NEBL: variants seen among roughly 807,000 people sequenced by gnomAD.
The protein encoded by NEBL is LIM and SH3 protein 2.
NEBL carries 122 observed loss-of-function variants against 140.2 expected under a neutral mutation model. The observed-to-expected ratio is 0.87, with a 90% confidence interval of 0.75 to 1.01. The LOEUF is 1.01. NEBL is among the 50% of genes least tolerant of loss of function. The pLI is 0.00. For missense variants in NEBL, 1,365 were observed against 1,231.3 expected (o/e 1.11, Z -1.62); for synonymous variants, 436 against 398.9 (o/e 1.09, Z -1.11).
chr10:21,229,017 C>A (rs1048097774), intron 3 of NEBL, among the ~76,000 whole-genome samples: 1 of 151,838 alleles, frequency 6.6e-6, no homozygotes, highest in African/African-American at 2.4e-5. Flanking sequence ...CCCACCAACC[C>A]ATAGTGGACA....
chr10:20,800,935 G>A (rs1230127480), intron 26 of NEBL, among the ~76,000 whole-genome samples: 2 of 151,880 alleles, frequency 1.3e-5, no homozygotes, highest in Non-Finnish European at 2.9e-5. Flanking sequence ...TAGCGTTTAA[G>A]TCTCCTACAG....
intron 2 of NEBL, among the ~76,000 whole-genome samples, chr10:21,035,098 A>T (rs998582785): frequency 3.9e-5 from 6 of 152,010 alleles, no homozygotes; most frequent in African/African-American, 1.5e-4. Flanking sequence ...TGCCAGGCCC[A>T]AGTGATTATC....
At chr10:21,115,889 G>A (rs1215775979) in intron 2 of NEBL, among the ~76,000 whole-genome samples, 1 of 151,820 alleles carries the variant, frequency 6.6e-6, no homozygotes, top group Non-Finnish European at 1.5e-5. Flanking sequence ...TTATAAACAT[G>A]ATGGGCTATT....
intron 2 of NEBL, among the ~76,000 whole-genome samples, chr10:21,150,782 C>G (rs1438558237): frequency 6.6e-6 from 1 of 152,110 alleles, no homozygotes; most frequent in African/African-American, 2.4e-5. Flanking sequence ...TATGAGCTCA[C>G]AAAATGAAAA....
intron 2 of NEBL, among the ~76,000 whole-genome samples, chr10:21,031,111 T>C (rs1833761675): frequency 6.6e-6 from 1 of 152,358 alleles, no homozygotes; most frequent in East Asian, 1.9e-4. Flanking sequence ...GTCTGTCCCA[T>C]CTGAGTTAGC....
intron 2 of NEBL, among the ~76,000 whole-genome samples, chr10:21,104,842 A>G (rs1018641715): frequency 1.3e-5 from 2 of 152,212 alleles, no homozygotes; most frequent in South Asian, 4.1e-4. Flanking sequence ...ACCATCAAGT[A>G]AGACGTTAGC....
chr10:21,276,739 C>T (rs1400625121), intron 1 of NEBL, among the ~76,000 whole-genome samples: 1 of 152,146 alleles, frequency 6.6e-6, no homozygotes, highest in Non-Finnish European at 1.5e-5. Flanking sequence ...GAGGCCAAAG[C>T]AGGCAGATCA....
chr10:21,002,681 G>T (rs1460953301), intron 3 of NEBL, among the ~76,000 whole-genome samples: 1 of 152,080 alleles, frequency 6.6e-6, no homozygotes. Context: ...TCACACAATG[G>T]AGTACGAAAG....
intron 2 of NEBL, among the ~76,000 whole-genome samples, chr10:21,054,843 A>T (rs556155953): frequency 3.3e-5 from 5 of 152,206 alleles, no homozygotes; most frequent in African/African-American, 1.2e-4. Flanking sequence ...AAAATGCCCA[A>T]ATTTTTCAAT....
chr10:20,813,919 A>G lies in NEBL; in HGVS notation c.2346+20T>C. ...GCCCATTCCTTAGCATGTTTTAAGA[A>G]TGATCTGGTTGGACCCTACCATTGA... On this transcript the variant is annotated intron_variant, in intron 23 of 27. Coordinates refer to ENST00000377122, the MANE Select transcript of NEBL (RefSeq NM_006393.3). The G allele has an allele frequency of 6.8e-7, 1 of 1,460,154 alleles. No homozygotes were observed. The highest frequency in any genetic ancestry group is 9.6e-7 in the Non-Finnish European group (1 of 1,039,950). 90.4% of individuals were successfully genotyped at this position (1,460,154 alleles called of 1,614,324 possible).
At chr10:21,125,748 G>A (rs1303840114) in intron 2 of NEBL, 41 of 1,125,130 alleles carry the variant, frequency 3.6e-5, no homozygotes, top group Non-Finnish European at 4.7e-5. Context: ...CACAGGGCAC[G>A]GATGGAAACA....
At chr10:20,951,353 T>C (rs1282493907) in intron 4 of NEBL, among the ~76,000 whole-genome samples, 1 of 138,762 alleles carries the variant, frequency 7.2e-6, no homozygotes, top group Non-Finnish European at 1.5e-5. Flanking sequence ...CTGACAACCA[T>C]GAATGGAAAG....
At chr10:20,985,399 T>C (rs983537732) in intron 3 of NEBL, among the ~76,000 whole-genome samples, 1 of 152,150 alleles carries the variant, frequency 6.6e-6, no homozygotes, top group South Asian at 2.1e-4. Flanking sequence ...TCACAAAAAA[T>C]TTTGTTCAAA....
chr10:21,260,595 C>T (rs886959780), intron 1 of NEBL, among the ~76,000 whole-genome samples: 1 of 152,158 alleles, frequency 6.6e-6, no homozygotes, highest in Non-Finnish European at 1.5e-5. Flanking sequence ...GGCTCTGAAT[C>T]ACTATGTTCC....
At chr10:20,887,411 CTTTTTTTTTT>C (rs36034071) in intron 4 of NEBL, among the ~76,000 whole-genome samples, 62 of 80,648 alleles carry the variant, frequency 7.7e-4, no homozygotes, top group African/African-American at 2.8e-3. Flanking sequence ...TGAATTCAAC[CTTTTTTTTTT>C]TTTTTTTTTT....
chr10:21,044,194 C>T lies in NEBL; in HGVS notation c.165-23993G>A, dbSNP rs185359993. Among the ~76,000 whole-genome samples, 149 of 152,004 alleles carry T rather than the reference C, an allele frequency of 9.8e-4. No homozygotes were observed. In the East Asian group the frequency reaches 0.016, roughly 16 times the overall value. ...GGCGGATCACCTGAGGTCAGGAGTT[C>T]GAGACCAGCCTGGCCAACATGGTGA... On this transcript the variant is annotated intron_variant, in intron 2 of 6. Coordinates refer to the NEBL transcript ENST00000417816.
rs560309959 is a variant in NEBL at position 21,148,367 on chromosome 10, G to T, written c.164+24016C>A. 4.6e-5 allele frequency among the ~76,000 whole-genome samples: 7 copies of T among 152,264 alleles called. No homozygotes were observed. The East Asian group carries it at 1.4e-3, about 29-fold the overall frequency. On this transcript the variant is annotated intron_variant, in intron 2 of 6. Coordinates refer to the NEBL transcript ENST00000417816. ...CTTCTGTTAAAGTATGTGGACTTTG[G>T]TCCGTGGTTCCCAAAGCAGCTTTGG...
chr10:21,115,477 G>A (rs563409986), intron 2 of NEBL, among the ~76,000 whole-genome samples: 1 of 151,848 alleles, frequency 6.6e-6, no homozygotes, highest in Non-Finnish European at 1.5e-5. Context: ...GTCTGGGAAG[G>A]TCTTTATTTC....
chr10:21,125,218 A>C (rs1371536065), intron 2 of NEBL, among the ~76,000 whole-genome samples: 2 of 145,610 alleles, frequency 1.4e-5, no homozygotes, highest in East Asian at 3.9e-4. Context: ...ACACATGCAC[A>C]CATGCATATA....
Sources: gnomAD v4.1 joint callset for allele counts (sites outside exome capture counted in the v4.1 genomes callset) on GRCh38, gnomAD v4.1.1 for gene constraint, MANE v1.5 for transcripts, NCBI Gene and HGNC (gene_info 2026-07-23, HGNC 2026-07-21) for gene names.